ENOX1: variants seen among roughly 807,000 people sequenced by gnomAD.
The protein encoded by ENOX1 is ecto-NOX disulfide-thiol exchanger 1.
In ENOX1, 42 loss-of-function variants were observed where a neutral mutation model predicts 82.5. The observed-to-expected ratio is 0.51, with a 90% CI of 0.40 to 0.66. The LOEUF is 0.66. Among genes scored for constraint, ENOX1 ranks in the 30% least tolerant of loss-of-function variants. The pLI is 0.00. For synonymous variants in ENOX1, 271 were observed against 282.2 expected (o/e 0.96, Z 0.40); for missense variants, 608 against 811.6 (o/e 0.75, Z 3.05).
chr13:43,559,630 C>T (rs2153704221), intron 2 of ENOX1, among the ~76,000 whole-genome samples: 1 of 152,236 alleles, frequency 6.6e-6, no homozygotes, highest in African/African-American at 2.4e-5. Flanking sequence ...AACAACAGAA[C>T]AAGACCCCAA....
Position 43,323,386 on chromosome 13 carries a change from CTT to C in ENOX1, c.1144-887_1144-886del, listed in dbSNP as rs1566511521. 4.6e-5 allele frequency among the ~76,000 whole-genome samples: 7 copies of C among 152,160 alleles called. No individual in the cohort carries two copies. The South Asian group carries it at 1.5e-3, about 32-fold the overall frequency. Reference sequence around the variant, plus strand: ...CTACAATCAAGTTATTTATTTGAGACTTTGTCTAGTCACTCACAAGTGAGGAA... The same window carrying C: ...CTACAATCAAGTTATTTATTTGAGACTGTCTAGTCACTCACAAGTGAGGAA... On this transcript the variant is annotated intron_variant, in intron 10 of 16. Coordinates refer to ENST00000690772, the MANE Select transcript of ENOX1 (RefSeq NM_001347969.2).
At chr13:43,243,821 C>A (rs2042954190) in intron 14 of ENOX1, among the ~76,000 whole-genome samples, 1 of 152,124 alleles carries the variant, frequency 6.6e-6, no homozygotes, top group African/African-American at 2.4e-5. Flanking sequence ...ACTAGCATAT[C>A]TTCTTTCTAT....
At position 43,298,438 on chromosome 13, in the gene ENOX1, G is replaced by C; in HGVS notation, c.1354C>G (p.Gln452Glu). 1 of 1,613,874 alleles carries C rather than the reference G, an allele frequency of 6.2e-7. No homozygotes were observed. Among genetic ancestry groups the C allele is most frequent in the Non-Finnish European group, 8.5e-7 (1 of 1,179,986 alleles). ...AYRNEVELLK[Q>E]EKEQLFRTEE... ...GTTCGGAAAAGCTGTTCTTTTTCTT[G>C]TTTCAGCAGCTCCACCTCATTCCTG... The change falls in exon 12 of 17, where the codon CAA becomes GAA. Residue 452 changes from glutamine to glutamate, a missense_variant. Coordinates refer to ENST00000690772, the MANE Select transcript of ENOX1 (RefSeq NM_001347969.2).
At chr13:43,392,016 G>A (rs1182362141) in intron 5 of ENOX1, among the ~76,000 whole-genome samples, 3 of 152,198 alleles carry the variant, frequency 2.0e-5, no homozygotes, top group Non-Finnish European at 2.9e-5. Flanking sequence ...TTCTCCAAGC[G>A]AGTCAAGCTC....
intron 2 of ENOX1, among the ~76,000 whole-genome samples, chr13:43,607,000 C>T (rs917928970): frequency 2.6e-5 from 4 of 151,810 alleles, no homozygotes; most frequent in African/African-American, 9.7e-5. Flanking sequence ...AGAGCGAGAC[C>T]CTGTCTCAAA....
chr13:43,396,587 G>T (rs1403142591), intron 5 of ENOX1, among the ~76,000 whole-genome samples: 2 of 152,020 alleles, frequency 1.3e-5, no homozygotes, highest in East Asian at 3.9e-4. Context: ...CACCATGTTG[G>T]CCAGGCTGGT....
rs1157770613 is a variant in ENOX1, at chr13:43,627,166, T to C, written c.-219+40313A>G. ...TCTGCCCTTTTATTTTCAATGTGCA[T>C]ATGTCATTATATCTGATGTTTCTTG... is the stretch of plus-strand genomic sequence containing the variant. On this transcript the variant is annotated intron_variant, in intron 2 of 16. Coordinates refer to ENST00000690772, the MANE Select transcript of ENOX1 (RefSeq NM_001347969.2). Among the ~76,000 whole-genome samples, 5 of 152,164 alleles carry C rather than the reference T, an allele frequency of 3.3e-5. 1 individual carries two copies. The South Asian group carries it at 8.3e-4, about 25-fold the overall frequency.
chr13:43,255,761 T>C (rs1016396872), intron 14 of ENOX1, among the ~76,000 whole-genome samples: 7 of 152,032 alleles, frequency 4.6e-5, no homozygotes, highest in East Asian at 1.9e-4. Context: ...GATGAAGAAA[T>C]TGAAGATTAC....
intron 1 of ENOX1, among the ~76,000 whole-genome samples, chr13:43,696,805 T>G (rs539827973): frequency 6.6e-6 from 1 of 151,666 alleles, no homozygotes; most frequent in East Asian, 1.9e-4. Flanking sequence ...CTTTTTTTTT[T>G]TTTTTAAGAA....
At chr13:43,448,934 C>T (rs2056806555) in intron 3 of ENOX1, among the ~76,000 whole-genome samples, 1 of 152,178 alleles carries the variant, frequency 6.6e-6, no homozygotes, top group African/African-American at 2.4e-5. Flanking sequence ...GAGAAATCCG[C>T]ACCATCTTAG....
intron 2 of ENOX1, among the ~76,000 whole-genome samples, chr13:43,564,247 T>C (rs1399425828): frequency 6.6e-6 from 1 of 152,114 alleles, no homozygotes; most frequent in Non-Finnish European, 1.5e-5. Context: ...GAAGAATTAA[T>C]ATTGTTAAAA....
At chr13:43,390,355 A>G (rs1301134808) in intron 5 of ENOX1, among the ~76,000 whole-genome samples, 4 of 152,270 alleles carry the variant, frequency 2.6e-5, no homozygotes, top group Admixed American at 1.3e-4. Flanking sequence ...AATAACTTCA[A>G]TGGACACATA....
At chr13:43,431,403 C>T (rs956199037) in intron 3 of ENOX1, among the ~76,000 whole-genome samples, 6 of 152,164 alleles carry the variant, frequency 3.9e-5, no homozygotes, top group South Asian at 2.1e-4. Context: ...CCTTCTCTGA[C>T]GAAATGTCAT....
intron 1 of ENOX1, among the ~76,000 whole-genome samples, chr13:43,732,056 T>C (rs923609775): frequency 1.3e-5 from 2 of 152,222 alleles, no homozygotes; most frequent in African/African-American, 4.8e-5. Context: ...TTCAACCTTA[T>C]AGGAGTCATC....
intron 2 of ENOX1, among the ~76,000 whole-genome samples, chr13:43,510,568 C>A (rs1181889952): frequency 6.6e-6 from 1 of 152,048 alleles, no homozygotes; most frequent in Non-Finnish European, 1.5e-5. Context: ...TTGGGGCCCG[C>A]TCCTAAAGGC....
chr13:43,768,631 A>C (rs2153836846), intron 1 of ENOX1, among the ~76,000 whole-genome samples: 1 of 152,312 alleles, frequency 6.6e-6, no homozygotes, highest in Non-Finnish European at 1.5e-5. Context: ...TTAAAACATA[A>C]ATAAATATTT....
intron 8 of ENOX1, among the ~76,000 whole-genome samples, chr13:43,349,186 G>A (rs2049599333): frequency 6.6e-6 from 1 of 152,194 alleles, no homozygotes; most frequent in South Asian, 2.1e-4. Context: ...ATCTACGAGA[G>A]ATAGATGTTC....
rs568525257 is a variant in ENOX1 at position 43,303,053 on chromosome 13, T to A, written c.1262-4523A>T. Among the ~76,000 whole-genome samples the A allele has an allele frequency of 1.9e-3, 294 of 152,364 alleles. 1 individual carries two copies. The highest frequency in any genetic ancestry group is 6.7e-3 in the African/African-American group (278 of 41,586). Reference sequence around the variant, plus strand: ...GGAACTCTGTGTTTAACATTCCCCCTCCACTTTGCCAGATGTCCTCCTGAA... The same window carrying A: ...GGAACTCTGTGTTTAACATTCCCCCACCACTTTGCCAGATGTCCTCCTGAA... On this transcript the variant is annotated intron_variant, in intron 11 of 16. Transcript: ENST00000690772.
At chr13:43,390,636 G>A (rs2052716745) in intron 5 of ENOX1, among the ~76,000 whole-genome samples, 1 of 152,058 alleles carries the variant, frequency 6.6e-6, no homozygotes, top group Admixed American at 6.6e-5. Flanking sequence ...ATTATCCCCT[G>A]AATCAAATAC....
Sources: allele counts gnomAD v4.1 joint callset (sites outside exome capture counted in the v4.1 genomes callset), GRCh38; gene constraint gnomAD v4.1.1; transcripts MANE v1.5; gene names NCBI Gene and HGNC (gene_info 2026-07-23, HGNC 2026-07-21).